ROBO2: variants seen among roughly 807,000 people sequenced by gnomAD.
The protein encoded by ROBO2 is roundabout guidance receptor 2, also known as roundabout homolog 2.
ROBO2 carries 53 observed loss-of-function variants against 160.8 expected under a neutral mutation model. The ratio of observed to expected loss-of-function variants is 0.33; its 90% CI spans 0.26 to 0.41. The LOEUF is 0.41. ROBO2 is among the 10% of genes least tolerant of loss of function. The probability of loss-of-function intolerance (pLI) is 1.00; values close to 1 mark genes in which losing one functional copy is unlikely to be tolerated. For synonymous variants in ROBO2, 664 were observed against 611.7 expected (o/e 1.09, Z -1.26); for missense variants, 1,577 against 1,722.4 (o/e 0.92, Z 1.49).
chr3:77,579,748 A>G (rs148985181), intron 15 of ROBO2, among the ~76,000 whole-genome samples, 199 bp from the exon 17 acceptor site: 1 of 152,328 alleles, frequency 6.6e-6, no homozygotes, highest in East Asian at 1.9e-4. Flanking sequence ...CCTTTAATAC[A>G]GGTGCATGTG....
Position 76,062,527 on chromosome 3 carries a change from A to G in ROBO2, c.109+124925A>G, listed in dbSNP as rs138566697. 1.4e-4 allele frequency among the ~76,000 whole-genome samples: 22 copies of G among 152,270 alleles called. No individual in the cohort carries two copies. In the East Asian group the frequency reaches 4.3e-3, roughly 29 times the overall value. ...TCCCTCCTTCATTGATATGAAGTGA[A>G]GTCAATACTCAATCTTACCTGGCAT... On this transcript the variant is annotated intron_variant, in intron 2 of 26. Transcript: ENST00000487694.
At chr3:76,055,331 C>T (rs988830691) in intron 2 of ROBO2, among the ~76,000 whole-genome samples, 3 of 152,102 alleles carry the variant, frequency 2.0e-5, no homozygotes, top group Non-Finnish European at 4.4e-5. Context: ...ATTGTCACCA[C>T]CATCTTTTTA....
intron 2 of ROBO2, among the ~76,000 whole-genome samples, chr3:76,933,461 A>T (rs998561834): frequency 6.6e-6 from 1 of 152,234 alleles, no homozygotes; most frequent in Non-Finnish European, 1.5e-5. Context: ...TGTTCTAATG[A>T]TGACTATTAG....
At chr3:76,403,358 A>AT (rs2077952594) in intron 2 of ROBO2, among the ~76,000 whole-genome samples, 1 of 151,684 alleles carries the variant, frequency 6.6e-6, no homozygotes, top group East Asian at 1.9e-4. Context: ...AAACTTAAAA[A>AT]TATTTGTCTA....
intron 2 of ROBO2, among the ~76,000 whole-genome samples, chr3:75,994,835 G>A (rs1337754372): frequency 6.6e-6 from 1 of 152,182 alleles, no homozygotes; most frequent in Non-Finnish European, 1.5e-5. Flanking sequence ...TTGTTGAATG[G>A]CTTTGTCCAA....
chr3:77,306,572 A>G, intron 2 of ROBO2, among the ~76,000 whole-genome samples: 1 of 152,308 alleles, frequency 6.6e-6, no homozygotes, highest in East Asian at 1.9e-4. Context: ...TTAAAGAGGT[A>G]AGTTCACTAA....
intron 2 of ROBO2, among the ~76,000 whole-genome samples, chr3:76,878,726 C>G (rs1340639054): frequency 6.6e-6 from 1 of 152,050 alleles, no homozygotes; most frequent in East Asian, 1.9e-4. Context: ...TTTAGCACAC[C>G]AATGGTGTTT....
chr3:77,641,106 G>A (rs578039639), intron 24 of ROBO2, among the ~76,000 whole-genome samples: 1 of 152,318 alleles, frequency 6.6e-6, no homozygotes, highest in African/African-American at 2.4e-5. Context: ...AAGGAAGTCA[G>A]TACTATCGAA....
intron 14 of ROBO2, among the ~76,000 whole-genome samples, chr3:77,577,160 A>G (rs539115057): frequency 1.4e-4 from 21 of 152,202 alleles, no homozygotes; most frequent in African/African-American, 4.1e-4. Context: ...TAAAACCGAG[A>G]TAAGAGTTGT....
At chr3:76,377,937 A>G (rs1165938907) in intron 2 of ROBO2, among the ~76,000 whole-genome samples, 1 of 152,162 alleles carries the variant, frequency 6.6e-6, no homozygotes, top group Non-Finnish European at 1.5e-5. Flanking sequence ...GTTCCTGAAC[A>G]CTAATGCATT....
chr3:77,492,613 T>C (rs1186708624), intron 4 of ROBO2, among the ~76,000 whole-genome samples: 1 of 152,030 alleles, frequency 6.6e-6, no homozygotes, highest in Non-Finnish European at 1.5e-5. Flanking sequence ...CCTCAAAAAA[T>C]TGATAAATAA....
intron 2 of ROBO2, among the ~76,000 whole-genome samples, chr3:77,001,808 A>G (rs2149421469): frequency 9.7e-6 from 1 of 102,992 alleles, no homozygotes; most frequent in East Asian, 2.7e-4. Context: ...TTTTGCTCCA[A>G]AAAACTTTCT....
intron 2 of ROBO2, among the ~76,000 whole-genome samples, chr3:76,876,603 A>G (rs1419975030): frequency 6.6e-6 from 1 of 152,020 alleles, no homozygotes; most frequent in Admixed American, 6.6e-5. Flanking sequence ...TGAACCTGAG[A>G]GGCAGAGTCT....
At chr3:75,960,981 A>G (rs1456349967) in intron 2 of ROBO2, among the ~76,000 whole-genome samples, 2 of 151,718 alleles carry the variant, frequency 1.3e-5, no homozygotes, top group Non-Finnish European at 3.0e-5. Context: ...AATAATGGAG[A>G]CATAGTAGAC....
At chr3:77,180,435 T>TATATATATATATATATTTA (rs1491200828) in intron 2 of ROBO2, among the ~76,000 whole-genome samples, 1 of 63,940 alleles carries the variant, frequency 1.6e-5, no homozygotes, top group Non-Finnish European at 3.2e-5. Context: ...TATATATGTA[T>TATATATATATATATATTTA]TTTTTTTTTT....
intron 2 of ROBO2, among the ~76,000 whole-genome samples, chr3:76,227,809 C>T (rs994871883): frequency 4.6e-5 from 7 of 152,112 alleles, no homozygotes; most frequent in African/African-American, 7.2e-5. Context: ...GATTCTTCTG[C>T]GCATGAATAT....
chr3:77,426,565 G>A (rs867614400), intron 2 of ROBO2, among the ~76,000 whole-genome samples: 36 of 151,684 alleles, frequency 2.4e-4, no homozygotes, highest in Middle Eastern at 3.4e-3. Context: ...TGAATGTGGT[G>A]TGTATAATGT....
chr3:76,027,823 A>G (rs1301781549), intron 2 of ROBO2, among the ~76,000 whole-genome samples: 2 of 152,002 alleles, frequency 1.3e-5, no homozygotes, highest in African/African-American at 4.8e-5. Flanking sequence ...TGTTTTTTAC[A>G]TGAAATTGAA....
At position 77,240,058 on chromosome 3, in the gene ROBO2, C is replaced by T. The variant is rs542636359; in HGVS notation, c.388+141718C>T. Reference sequence around the variant, plus strand: ...GTGGATCCCATGCCAGGGCCATAGGCGGAGCTGCCAGCCAGTCCCATGCTG... The same window carrying T: ...GTGGATCCCATGCCAGGGCCATAGGTGGAGCTGCCAGCCAGTCCCATGCTG... On this transcript the variant is annotated intron_variant, in intron 2 of 25. Transcript: ENST00000461745. 5.9e-5 allele frequency among the ~76,000 whole-genome samples: 9 copies of T among 152,302 alleles called. No individual in the cohort carries two copies. In the South Asian group the frequency reaches 1.2e-3, roughly 21 times the overall value.
Sources: gnomAD v4.1 joint callset for allele counts (sites outside exome capture counted in the v4.1 genomes callset) on GRCh38, gnomAD v4.1.1 for gene constraint, MANE v1.5 for transcripts, NCBI Gene and HGNC (gene_info 2026-07-23, HGNC 2026-07-21) for gene names.